The following FRMD3 variants were observed in gnomAD, a reference collection of about 807,000 sequenced individuals.
FRMD3 encodes the protein FERM domain-containing protein 3.
Under a neutral mutation model 70.2 loss-of-function variants are expected in FRMD3, and 33 were observed. That is an observed-to-expected ratio of 0.47 (90% CI 0.36 to 0.63). FRMD3 has a LOEUF of 0.63. Among genes scored for constraint, FRMD3 ranks in the 20% least tolerant of loss-of-function variants. The pLI, the probability that FRMD3 is intolerant of heterozygous loss-of-function variation, is 0.00. For missense variants in FRMD3, 632 were observed against 711.4 expected, an observed-to-expected ratio of 0.89 and a Z score of 1.27; for synonymous variants, 279 against 255.9, an observed-to-expected ratio of 1.09 and a Z score of -0.86.
rs751128066 is a variant in FRMD3 at position 83,538,236 on chromosome 9, C to T, written c.-5G>A. 3.7e-5 allele frequency: 58 copies of T among 1,559,564 alleles called. 1 individual carries two copies. The Middle Eastern group carries it at 8.6e-4, about 23-fold the overall frequency. ...ACAGTGGCAGGAGGCGAACATGCACCGCGGCCGTGGGGAGCGAGCGGGAGG... is the reference window on the plus strand; with the variant it reads ...ACAGTGGCAGGAGGCGAACATGCACTGCGGCCGTGGGGAGCGAGCGGGAGG... On this transcript the variant is annotated 5_prime_UTR_variant, in exon 1 of 14. Coordinates refer to ENST00000304195, the MANE Select transcript of FRMD3 (RefSeq NM_174938.6). The surrounding 1 kb of genome is among the most constrained non-coding windows in gnomAD (Gnocchi z 4.7).
chr9:83,354,701 G>A (rs1375055977), intron 3 of FRMD3, among the ~76,000 whole-genome samples: 1 of 152,078 alleles, frequency 6.6e-6, no homozygotes, highest in Non-Finnish European at 1.5e-5. Context: ...TTCAGTAGGG[G>A]TAAACAGGTA....
At chr9:83,387,115 C>T (rs992926484) in intron 2 of FRMD3, among the ~76,000 whole-genome samples, 1 of 152,088 alleles carries the variant, frequency 6.6e-6, no homozygotes, top group Non-Finnish European at 1.5e-5. Context: ...GGTTACTTTG[C>T]AAATTTCCTG....
chr9:83,531,989 C>G (rs1829800059), intron 1 of FRMD3, among the ~76,000 whole-genome samples: 1 of 152,120 alleles, frequency 6.6e-6, no homozygotes, highest in South Asian at 2.1e-4. Context: ...TAAGTCAAAG[C>G]CTTCCCACTA....
At chr9:83,298,189 G>A (rs1419427719) in intron 12 of FRMD3, among the ~76,000 whole-genome samples, 1 of 152,192 alleles carries the variant, frequency 6.6e-6, no homozygotes, top group Non-Finnish European at 1.5e-5. Flanking sequence ...TTTAGGATGG[G>A]CAATGATTTG....
At chr9:83,407,832 G>T (rs1826149918) in intron 1 of FRMD3, among the ~76,000 whole-genome samples, 2 of 97,024 alleles carry the variant, frequency 2.1e-5, no homozygotes, top group East Asian at 3.4e-4. Flanking sequence ...GAGGGGGGTT[G>T]TTGAGTCTCT....
chr9:83,580,684 A>G, the FRMD3 span, among the ~76,000 whole-genome samples: 1 of 152,044 alleles, frequency 6.6e-6, no homozygotes. Context: ...AGGAACAATA[A>G]GTTTTGAGAT....
chr9:83,514,042 G>C (rs767327933), intron 1 of FRMD3, among the ~76,000 whole-genome samples: 15 of 152,160 alleles, frequency 9.9e-5, no homozygotes, highest in Non-Finnish European at 2.2e-4. Context: ...GCAGCCATTT[G>C]GGCAGACACC....
chr9:83,264,920 T>G (rs1284092389), intron 13 of FRMD3, among the ~76,000 whole-genome samples: 1 of 152,092 alleles, frequency 6.6e-6, no homozygotes, highest in African/African-American at 2.4e-5. Context: ...AATTGCCAAT[T>G]TTGAAGGTCA....
chr9:83,369,589 T>C (rs1209169680), intron 3 of FRMD3, among the ~76,000 whole-genome samples: 2 of 132,012 alleles, frequency 1.5e-5, no homozygotes, highest in East Asian at 5.5e-4. Flanking sequence ...AATAAATAAA[T>C]AAATAAATAA....
intron 6 of FRMD3, among the ~76,000 whole-genome samples, chr9:83,323,110 A>G (rs1835863912): frequency 6.6e-6 from 1 of 152,204 alleles, no homozygotes; most frequent in South Asian, 2.1e-4. Flanking sequence ...CTAATCTGGA[A>G]AACTCTTTGG....
rs192889131 is a variant in FRMD3, at chr9:83,245,578, G to T, written c.*2340C>A. On this transcript the variant is annotated 3_prime_UTR_variant, in exon 14 of 14. Coordinates refer to ENST00000304195, the MANE Select transcript of FRMD3 (RefSeq NM_174938.6). The stretch of plus-strand genomic sequence containing the variant: ...TTACTCCTTAAGATAAATCTGCATC[G>T]TTGGATTACATGTGATATTTATACT... The T allele has an allele frequency of 4.7e-6, 4 of 859,728 alleles. No homozygotes were observed. In the East Asian group the frequency reaches 4.8e-4, roughly 104 times the overall value. The allele number at this position is 859,728 out of a possible 1,614,324, so 53.3% of individuals were successfully genotyped here. A position where few individuals can be genotyped will look rare whatever the true frequency, so the allele number is the denominator to read the frequency against.
chr9:83,277,646 C>T (rs1212324377), intron 13 of FRMD3, among the ~76,000 whole-genome samples: 3 of 152,164 alleles, frequency 2.0e-5, no homozygotes, highest in African/African-American at 7.2e-5. Flanking sequence ...TAGGCATGAG[C>T]CACCACACTT....
At chr9:83,362,851 C>T (rs1040277271) in intron 3 of FRMD3, among the ~76,000 whole-genome samples, 235 of 136,152 alleles carry the variant, frequency 1.7e-3, no homozygotes, top group African/African-American at 6.5e-3. Flanking sequence ...TCCTTCCCTC[C>T]CTCCTTCCTT....
At chr9:83,556,897 C>T in the FRMD3 span, among the ~76,000 whole-genome samples, 2 of 151,780 alleles carry the variant, frequency 1.3e-5, no homozygotes, top group African/African-American at 4.8e-5. Flanking sequence ...TATCTTGTCT[C>T]TGAATATTTT....
At chr9:83,579,747 C>T in the FRMD3 span, among the ~76,000 whole-genome samples, 1 of 151,908 alleles carries the variant, frequency 6.6e-6, no homozygotes, top group African/African-American at 2.4e-5. Context: ...TGGATATGGC[C>T]CTGAAAGCTC....
At chr9:83,331,903 A>G (rs1823388757) in intron 6 of FRMD3, 1 of 717,390 alleles carries the variant, frequency 1.4e-6, no homozygotes, top group East Asian at 2.7e-5. Flanking sequence ...AGATCTTGGG[A>G]TGAGTCCTGA....
At chr9:83,554,198 G>A in the FRMD3 span, among the ~76,000 whole-genome samples, 1 of 152,176 alleles carries the variant, frequency 6.6e-6, no homozygotes, top group Non-Finnish European at 1.5e-5. Flanking sequence ...TCAGTTTGTA[G>A]ACTCTTGCTT....
the FRMD3 span, among the ~76,000 whole-genome samples, chr9:83,547,380 A>G: frequency 3.3e-5 from 5 of 150,086 alleles, no homozygotes; most frequent in African/African-American, 1.2e-4. Flanking sequence ...GTCTTTTTTT[A>G]CTGTTGTTGA....
rs117710083 is a variant in FRMD3, at chr9:83,523,221, C to T, written c.147+14864G>A. On this transcript the variant is annotated intron_variant, in intron 1 of 13. Coordinates refer to ENST00000304195, the MANE Select transcript of FRMD3 (RefSeq NM_174938.6). ...ACGGACGGACGGATGGATAGATTTA[C>T]GGATGAGTGGATGGAAGAGTGGATG... Among the ~76,000 whole-genome samples, 412 of 151,198 alleles carry T rather than the reference C, an allele frequency of 2.7e-3. 2 individuals are homozygous for T. Among genetic ancestry groups the T allele is most frequent in the Non-Finnish European group, 4.4e-3 (298 of 67,820 alleles).
Sources: allele counts gnomAD v4.1 joint callset (sites outside exome capture counted in the v4.1 genomes callset), GRCh38; gene constraint gnomAD v4.1.1; non-coding constraint Gnocchi (gnomAD v3.1); transcripts MANE v1.5; gene names NCBI Gene and HGNC (gene_info 2026-07-23, HGNC 2026-07-21).